The following IL23R variants were observed in gnomAD, a reference collection of about 807,000 sequenced individuals.
IL23R encodes interleukin-23 receptor.
Under a neutral mutation model 56.9 loss-of-function variants are expected in IL23R, and 34 were observed. That is an observed-to-expected ratio of 0.60 (90% CI 0.45 to 0.80). The LOEUF (loss-of-function observed/expected upper bound fraction) is 0.80. Among genes scored for constraint, IL23R ranks in the 30% least tolerant of loss-of-function variants. The pLI, the probability that IL23R is intolerant of heterozygous loss-of-function variation, is 0.00. For missense variants in IL23R, 635 were observed against 730.0 expected, an observed-to-expected ratio of 0.87 and a Z score of 1.50; for synonymous variants, 230 against 249.2, an observed-to-expected ratio of 0.92 and a Z score of 0.73.
At chr1:67,167,193 C>T (rs1181031340) in intron 1 of IL23R, among the ~76,000 whole-genome samples, 1 of 152,164 alleles carries the variant, frequency 6.6e-6, no homozygotes, top group Non-Finnish European at 1.5e-5. Flanking sequence ...ACCTTCACCT[C>T]CCGGGTAGCT....
intron 5 of IL23R, among the ~76,000 whole-genome samples, chr1:67,206,072 G>T (rs1490383712): frequency 1.3e-5 from 2 of 151,144 alleles, no homozygotes; most frequent in Non-Finnish European, 2.9e-5. Context: ...GAGTGCAGTG[G>T]CATGATCTCA....
chr1:67,194,253 C>CTCTCTTCCCAGGAGCCA (rs1647971738), intron 4 of IL23R, among the ~76,000 whole-genome samples: 1 of 151,874 alleles, frequency 6.6e-6, no homozygotes, highest in African/African-American at 2.4e-5. Flanking sequence ...TTCAGCCCTT[C>CTCTCTTCCCAGGAGCCA]TCTCTTCCCA....
chr1:67,183,949 C>G (rs1647202496), intron 4 of IL23R, among the ~76,000 whole-genome samples: 1 of 152,112 alleles, frequency 6.6e-6, no homozygotes, highest in South Asian at 2.1e-4. Flanking sequence ...AAATAAAATT[C>G]CAGGCCAGGC....
intron 6 of IL23R, 90 bp from the exon 7 acceptor site, chr1:67,219,484 A>G (rs1313738250): frequency 8.0e-7 from 1 of 1,245,462 alleles, no homozygotes; most frequent in Non-Finnish European, 1.2e-6. Context: ...GACAGCTTGG[A>G]ACATAATAGG....
chr1:67,215,250 A>G (rs1431633849), intron 6 of IL23R, among the ~76,000 whole-genome samples: 2 of 152,216 alleles, frequency 1.3e-5, no homozygotes, highest in Non-Finnish European at 2.9e-5. Flanking sequence ...AACTGCCACA[A>G]AAGCTGAAGG....
chr1:67,240,132 A>G (rs1312995836), intron 8 of IL23R, 47 bp from the exon 9 acceptor site: 1 of 1,256,478 alleles, frequency 8.0e-7, no homozygotes, highest in Non-Finnish European at 1.2e-6. Flanking sequence ...CTGGTATCAA[A>G]TGAAGACTAA....
At chr1:67,250,262 C>G (rs1428313093) in intron 9 of IL23R, among the ~76,000 whole-genome samples, 1 of 152,200 alleles carries the variant, frequency 6.6e-6, no homozygotes, top group Admixed American at 6.5e-5. Flanking sequence ...TGTATCCTTT[C>G]ATGACTTATG....
chr1:67,214,954 A>G (rs1379694260), intron 6 of IL23R, among the ~76,000 whole-genome samples: 1 of 152,068 alleles, frequency 6.6e-6, no homozygotes, highest in Admixed American at 6.6e-5. Context: ...GACATTGTAT[A>G]GAAGAACATT....
At chr1:67,224,637 CA>C (rs1650499516) in intron 7 of IL23R, among the ~76,000 whole-genome samples, 1 of 152,202 alleles carries the variant, frequency 6.6e-6, no homozygotes, top group South Asian at 2.1e-4. Flanking sequence ...TGAACCAAAC[CA>C]ACTCACTTAT....
intron 6 of IL23R, chr1:67,207,635 A>G (rs756888868): frequency 2.2e-5 from 9 of 402,660 alleles, no homozygotes; most frequent in Middle Eastern, 8.1e-4. Flanking sequence ...TCTTGCCACC[A>G]CTAAGTAAGA....
intron 3 of IL23R, among the ~76,000 whole-genome samples, chr1:67,176,349 A>T (rs543081266): frequency 7.9e-5 from 12 of 152,268 alleles, no homozygotes; most frequent in African/African-American, 2.9e-4. Flanking sequence ...GGTAGTAGGG[A>T]TGGAATGAGG....
chr1:67,141,388 T>G (rs145232228), intron 1 of IL23R, among the ~76,000 whole-genome samples: 1 of 152,264 alleles, frequency 6.6e-6, no homozygotes, highest in African/African-American at 2.4e-5. Flanking sequence ...GACTTTTTTC[T>G]TCTTGTGAGA....
intron 7 of IL23R, among the ~76,000 whole-genome samples, chr1:67,228,959 A>G (rs773614921): frequency 6.6e-6 from 1 of 152,150 alleles, no homozygotes; most frequent in Non-Finnish European, 1.5e-5. Flanking sequence ...TTCTCTTGCT[A>G]TATAGTACTT....
At chr1:67,144,628 C>T (rs757916854) in intron 1 of IL23R, among the ~76,000 whole-genome samples, 11 of 152,128 alleles carry the variant, frequency 7.2e-5, no homozygotes, top group Non-Finnish European at 1.5e-4. Context: ...AATTCTAGAA[C>T]GATTGATACT....
chr1:67,155,715 C>T (rs1646765449), intron 1 of IL23R, among the ~76,000 whole-genome samples: 1 of 152,146 alleles, frequency 6.6e-6, no homozygotes, highest in African/African-American at 2.4e-5. Context: ...AGGTTCTTAG[C>T]TTCTTTGCAT....
chr1:67,176,530 T>C (rs1285619071), intron 3 of IL23R, among the ~76,000 whole-genome samples: 1 of 152,224 alleles, frequency 6.6e-6, no homozygotes, highest in Non-Finnish European at 1.5e-5. Context: ...CCCTTTTCAG[T>C]GAAAAGTTGA....
chr1:67,143,071 G>C (rs935170741), intron 1 of IL23R, among the ~76,000 whole-genome samples: 2 of 151,848 alleles, frequency 1.3e-5, no homozygotes, highest in African/African-American at 4.8e-5. Context: ...TCATTTCGAA[G>C]CCCAAGATCT....
chr1:67,227,179 T>G (rs1243516564), intron 7 of IL23R, among the ~76,000 whole-genome samples: 1 of 152,228 alleles, frequency 6.6e-6, no homozygotes, highest in Non-Finnish European at 1.5e-5. Flanking sequence ...ACTGAAAATG[T>G]ATAAGTCAGT....
chr1:67,213,510 G>A (rs1040870929), intron 6 of IL23R, among the ~76,000 whole-genome samples: 9 of 152,166 alleles, frequency 5.9e-5, no homozygotes, highest in African/African-American at 1.2e-4. Flanking sequence ...TATGTGCCAC[G>A]CAGCAGTCCA....
Sources: gnomAD v4.1 joint callset for allele counts (sites outside exome capture counted in the v4.1 genomes callset) on GRCh38, gnomAD v4.1.1 for gene constraint, MANE v1.5 for transcripts, NCBI Gene and HGNC (gene_info 2026-07-23, HGNC 2026-07-21) for gene names.